CDH12: variants seen among roughly 807,000 people sequenced by gnomAD.
The protein encoded by CDH12 is cadherin 12, also known as cadherin-12.
In CDH12, 41 loss-of-function variants were observed where a neutral mutation model predicts 74.1. The observed-to-expected ratio is 0.55, with a 90% CI of 0.43 to 0.72. The LOEUF (loss-of-function observed/expected upper bound fraction) is 0.72. Ranked by LOEUF, CDH12 falls within the 30% of genes least tolerant of loss-of-function variation. The pLI is 0.00. For synonymous variants in CDH12, 399 were observed against 355.0 expected (o/e 1.12, Z -1.39); for missense variants, 945 against 977.2 (o/e 0.97, Z 0.44).
At chr5:21,855,658 G>A (rs971429842) in intron 6 of CDH12, among the ~76,000 whole-genome samples, 5 of 151,466 alleles carry the variant, frequency 3.3e-5, no homozygotes, top group Non-Finnish European at 4.4e-5. Context: ...ATATATATGT[G>A]TATATACACA....
chr5:22,244,602 G>A (rs1175617011), intron 3 of CDH12, among the ~76,000 whole-genome samples: 3 of 120,684 alleles, frequency 2.5e-5, no homozygotes, highest in African/African-American at 9.6e-5. Flanking sequence ...GAAAGACAGA[G>A]AGAGAAAGGA....
intron 3 of CDH12, among the ~76,000 whole-genome samples, chr5:22,383,193 T>C (rs1741846129): frequency 6.6e-6 from 1 of 152,154 alleles, no homozygotes; most frequent in Admixed American, 6.5e-5. Context: ...ACTTCTGAGA[T>C]GAAAATGAAT....
At chr5:22,816,438 C>T (rs1749397423) in intron 1 of CDH12, among the ~76,000 whole-genome samples, 1 of 152,172 alleles carries the variant, frequency 6.6e-6, no homozygotes, top group Non-Finnish European at 1.5e-5. Flanking sequence ...GAGAGCTTCC[C>T]TAATCAATGA....
intron 4 of CDH12, among the ~76,000 whole-genome samples, chr5:22,136,750 G>C (rs1402727067): frequency 6.7e-6 from 1 of 150,290 alleles, no homozygotes; most frequent in Admixed American, 6.7e-5. Context: ...GACTTTACCT[G>C]AGTATTGTAG....
intron 3 of CDH12, among the ~76,000 whole-genome samples, chr5:22,385,258 A>T (rs1741950363): frequency 6.6e-6 from 1 of 152,158 alleles, no homozygotes; most frequent in South Asian, 2.1e-4. Flanking sequence ...CTACATACAG[A>T]TTGGTTAAAG....
At chr5:22,117,666 C>T (rs1040990364) in intron 4 of CDH12, among the ~76,000 whole-genome samples, 5 of 148,160 alleles carry the variant, frequency 3.4e-5, no homozygotes, top group Non-Finnish European at 5.9e-5. Context: ...AATCTATAAA[C>T]GATAAAGAGT....
chr5:22,681,527 T>C (rs1389153073), intron 1 of CDH12, among the ~76,000 whole-genome samples: 2 of 152,022 alleles, frequency 1.3e-5, no homozygotes, highest in African/African-American at 4.8e-5. Context: ...GCTTCACTTG[T>C]AATGAATTTC....
intron 6 of CDH12, among the ~76,000 whole-genome samples, chr5:21,856,389 C>G (rs1316884636): frequency 1.3e-5 from 2 of 151,618 alleles, no homozygotes; most frequent in Non-Finnish European, 3.0e-5. Flanking sequence ...TGTCCTAATT[C>G]TGGATATAAA....
At position 22,078,959 on chromosome 5, in the gene CDH12, G is replaced by A. The variant is rs576786597; in HGVS notation, c.-186-97C>T. On this transcript the variant is annotated intron_variant, in intron 4 of 14. Transcript: ENST00000382254. ...ATATCTGCCAACATTTAAGGAAACC[G>A]AGAAGAAAGACTATAAAAGAATTAT... 3.3e-5 allele frequency: 15 copies of A among 448,176 alleles called. No homozygotes were observed. The South Asian group carries it at 4.5e-4, about 13-fold the overall frequency. The allele number at this position is 448,176 out of a possible 1,614,324, so 27.8% of individuals were successfully genotyped here.
chr5:22,146,365 T>C (rs1172143877), intron 4 of CDH12, among the ~76,000 whole-genome samples: 9 of 152,136 alleles, frequency 5.9e-5, no homozygotes, highest in Non-Finnish European at 1.2e-4. Flanking sequence ...GATATTTTTA[T>C]GTTCCTCCTT....
intron 3 of CDH12, among the ~76,000 whole-genome samples, chr5:22,304,026 C>T (rs892272473): frequency 6.6e-6 from 1 of 152,078 alleles, no homozygotes; most frequent in African/African-American, 2.4e-5. Flanking sequence ...ACCACCCACC[C>T]TTCTAGGAGT....
intron 1 of CDH12, among the ~76,000 whole-genome samples, chr5:22,731,588 A>C (rs1436369712): frequency 6.6e-6 from 1 of 151,874 alleles, no homozygotes; most frequent in Non-Finnish European, 1.5e-5. Context: ...CTTTCTACAA[A>C]ATCTCAATTG....
intron 1 of CDH12, among the ~76,000 whole-genome samples, chr5:22,550,979 A>G (rs1463479799): frequency 6.6e-6 from 1 of 152,170 alleles, no homozygotes; most frequent in Non-Finnish European, 1.5e-5. Context: ...GCTGGCTTTG[A>G]AACATACTGA....
At chr5:22,570,962 T>C (rs551814260) in intron 1 of CDH12, among the ~76,000 whole-genome samples, 3 of 152,226 alleles carry the variant, frequency 2.0e-5, no homozygotes, top group Non-Finnish European at 4.4e-5. Flanking sequence ...TTTGCAGTTT[T>C]ATATTATAGA....
chr5:22,751,320 G>GATATATATATATAATATACATATAT lies in CDH12; in HGVS notation c.-523+101713_-523+101737dup, dbSNP rs1553998493. Among the ~76,000 whole-genome samples the GATATATATATATAATATACATATAT allele has an allele frequency of 6.2e-5, 7 of 112,146 alleles. No homozygotes were observed. The South Asian group carries it at 1.5e-3, about 24-fold the overall frequency. 73.6% of individuals were successfully genotyped at this position (112,146 alleles called of 152,430 possible). ...ATCAAAAATAGAATTATTAAACTGT[G>GATATATATATATAATATACATATAT]ATATATATATATAATATACATATAT... On this transcript the variant is annotated intron_variant, in intron 1 of 14. Coordinates refer to ENST00000382254, the MANE Select transcript of CDH12 (RefSeq NM_004061.5).
At chr5:21,811,086 A>G (rs1747722543) in intron 9 of CDH12, among the ~76,000 whole-genome samples, 3 of 152,140 alleles carry the variant, frequency 2.0e-5, no homozygotes, top group Admixed American at 6.6e-5. Context: ...TTTAAGGAAA[A>G]AGAAAAATTC....
chr5:22,012,649 A>G (rs1194719423), intron 5 of CDH12, among the ~76,000 whole-genome samples: 3 of 151,684 alleles, frequency 2.0e-5, no homozygotes, highest in Admixed American at 6.6e-5. Context: ...AATATATGAT[A>G]TTTACTTGGT....
At position 21,988,491 on chromosome 5, in the gene CDH12, CAAAAAAAAAAAA is replaced by C. The variant is rs1157872208; in HGVS notation, c.232-13118_232-13107del. Among the ~76,000 whole-genome samples, 271 of 29,504 alleles carry C rather than the reference CAAAAAAAAAAAA, an allele frequency of 9.2e-3. 2 individuals are homozygous for C. Among genetic ancestry groups the C allele is most frequent in the African/African-American group, 0.017 (258 of 14,932 alleles). The allele number at this position is 29,504 out of a possible 152,430, so 19.4% of individuals were successfully genotyped here. ...TGGGCGACAGAGCGAGACTCCGTCT[CAAAAAAAAAAAA>C]AAAAAAAAAAAAAAAAAATGCCTAC... On this transcript the variant is annotated intron_variant, in intron 5 of 14. Coordinates refer to ENST00000382254, the MANE Select transcript of CDH12 (RefSeq NM_004061.5).
intron 8 of CDH12, among the ~76,000 whole-genome samples, chr5:21,826,183 C>A (rs558321663): frequency 6.6e-5 from 10 of 152,224 alleles, no homozygotes; most frequent in African/African-American, 1.9e-4. Context: ...CTATATTCAG[C>A]TTTTGAGTTT....
Sources: allele counts gnomAD v4.1 joint callset (sites outside exome capture counted in the v4.1 genomes callset), GRCh38; gene constraint gnomAD v4.1.1; transcripts MANE v1.5; gene names NCBI Gene and HGNC (gene_info 2026-07-23, HGNC 2026-07-21).